Variants in NBAS observed in about 807,000 individuals in gnomAD.
The protein encoded by NBAS is NBAS subunit of NRZ tethering complex.
A neutral mutation model predicts 302.5 loss-of-function variants in NBAS; 219 were observed. That is an observed-to-expected ratio of 0.72 (90% CI 0.65 to 0.81). NBAS has a LOEUF of 0.81. Ranked by LOEUF, NBAS falls within the 30% of genes least tolerant of loss-of-function variation. NBAS has a pLI of 0.00. For missense variants in NBAS, 2,932 were observed against 2,841.6 expected, an observed-to-expected ratio of 1.03 and a Z score of -0.72; for synonymous variants, 1,118 against 1,021.6, an observed-to-expected ratio of 1.09 and a Z score of -1.80.
At chr2:15,552,422 TTCC>T (rs1431938478) in intron 5 of NBAS, among the ~76,000 whole-genome samples, 2 of 151,830 alleles carry the variant, frequency 1.3e-5, no homozygotes, top group East Asian at 1.9e-4. Flanking sequence ...CCACCTTCTC[TTCC>T]TCCTCCTCCT....
intron 44 of NBAS, among the ~76,000 whole-genome samples, chr2:15,240,192 A>C (rs538793667): frequency 7.8e-4 from 118 of 152,218 alleles, no homozygotes; most frequent in Non-Finnish European, 5.4e-4. Context: ...GTCATTGTAC[A>C]TGTCTGGTCA....
chr2:14,984,256 C>A, the NBAS span, among the ~76,000 whole-genome samples: 2 of 151,980 alleles, frequency 1.3e-5, no homozygotes, highest in Admixed American at 1.3e-4. Flanking sequence ...GTCTCTGCCC[C>A]CTACCCTTCC....
the NBAS span, among the ~76,000 whole-genome samples, chr2:15,138,975 C>T: frequency 6.6e-6 from 1 of 152,142 alleles, no homozygotes. Flanking sequence ...GGATGTCAAA[C>T]ACATTTTTTT....
chr2:14,783,584 C>T, the NBAS span, among the ~76,000 whole-genome samples: 7 of 148,894 alleles, frequency 4.7e-5, no homozygotes, highest in South Asian at 1.5e-3. Context: ...GGTTTTTTGT[C>T]CTTGCAATAG....
chr2:15,312,624 TA>T (rs1671331508), intron 38 of NBAS, among the ~76,000 whole-genome samples: 1 of 152,178 alleles, frequency 6.6e-6, no homozygotes. Flanking sequence ...ATTTTCCCAC[TA>T]TTTAGGTTTG....
At chr2:15,046,388 A>T in the NBAS span, among the ~76,000 whole-genome samples, 9 of 152,202 alleles carry the variant, frequency 5.9e-5, no homozygotes, top group African/African-American at 2.2e-4. Flanking sequence ...AATATATATC[A>T]ACCTCCAAGA....
At chr2:14,797,140 G>T in the NBAS span, among the ~76,000 whole-genome samples, 2 of 140,514 alleles carry the variant, frequency 1.4e-5, no homozygotes, top group African/African-American at 2.8e-5. Flanking sequence ...GCCACTGGGG[G>T]ACTACAGCCA....
the NBAS span, among the ~76,000 whole-genome samples, chr2:14,945,849 G>A: frequency 6.6e-6 from 1 of 152,228 alleles, no homozygotes; most frequent in Non-Finnish European, 1.5e-5. Context: ...GGGAGGCCAA[G>A]GTGGGCAGAT....
the NBAS span, among the ~76,000 whole-genome samples, chr2:14,927,117 A>G: frequency 0.36 from 54,584 of 152,016 alleles, 10,011 homozygotes; most frequent in African/African-American, 0.44. Context: ...CTGCAGCACT[A>G]CCTCTACCTG....
the NBAS span, among the ~76,000 whole-genome samples, chr2:15,053,906 A>G: frequency 6.6e-6 from 1 of 151,316 alleles, no homozygotes; most frequent in African/African-American, 2.4e-5. Flanking sequence ...TTCAAATCCT[A>G]GCAACAAAAG....
At chr2:15,185,251 G>A (rs1453155765) in intron 50 of NBAS, among the ~76,000 whole-genome samples, 2 of 152,156 alleles carry the variant, frequency 1.3e-5, no homozygotes, top group Non-Finnish European at 2.9e-5. Flanking sequence ...GGTGGTGAAG[G>A]TTAAAGGAGG....
chr2:15,141,588 C>A, the NBAS span, among the ~76,000 whole-genome samples: 10 of 152,304 alleles, frequency 6.6e-5, no homozygotes, highest in East Asian at 7.7e-4. Context: ...AAAGAGTTAG[C>A]ATGCTGGTTT....
the NBAS span, among the ~76,000 whole-genome samples, chr2:15,009,921 T>C: frequency 1.3e-5 from 2 of 152,006 alleles, no homozygotes; most frequent in Non-Finnish European, 2.9e-5. Context: ...TACTGACACA[T>C]CTTCCCAACT....
the NBAS span, among the ~76,000 whole-genome samples, chr2:14,938,413 A>G: frequency 6.6e-6 from 1 of 152,254 alleles, no homozygotes; most frequent in African/African-American, 2.4e-5. Flanking sequence ...GTGGTTTAAG[A>G]AAATTAAATG....
intron 35 of NBAS, among the ~76,000 whole-genome samples, chr2:15,343,570 CATAAG>C (rs1193284551): frequency 6.6e-6 from 1 of 151,936 alleles, no homozygotes; most frequent in Admixed American, 6.6e-5. Context: ...GAATAAGTAT[CATAAG>C]ATAAAGAAAA....
chr2:15,326,141 G>A (rs572489973), intron 38 of NBAS, among the ~76,000 whole-genome samples: 14 of 152,202 alleles, frequency 9.2e-5, no homozygotes, highest in African/African-American at 1.7e-4. Context: ...ACAAATCACC[G>A]TAACAGATAC....
chr2:14,792,684 A>T, the NBAS span, among the ~76,000 whole-genome samples: 1 of 152,118 alleles, frequency 6.6e-6, no homozygotes, highest in African/African-American at 2.4e-5. Context: ...TTAAAAAAAA[A>T]AATCGTAAAT....
chr2:14,826,654 T>C, the NBAS span, among the ~76,000 whole-genome samples: 1 of 152,178 alleles, frequency 6.6e-6, no homozygotes, highest in Non-Finnish European at 1.5e-5. Context: ...CACTGTGGTG[T>C]TTTAGTGCAC....
At position 15,213,726 on chromosome 2, in the gene NBAS, C is replaced by T. The variant is rs140108561; in HGVS notation, c.6432+5047G>A. Among the ~76,000 whole-genome samples the T allele has an allele frequency of 1.8e-3, 281 of 152,262 alleles. 2 individuals carry two copies. The highest frequency in any genetic ancestry group is 6.8e-3 in the Middle Eastern group (2 of 294). On this transcript the variant is annotated intron_variant, in intron 48 of 51. Transcript: ENST00000281513. ...GATTAGCGTGCACATAGTACACATT[C>T]CAGGGTTCCTTCTTTGGCCCCCAGT...
Sources: gnomAD v4.1 joint callset for allele counts (sites outside exome capture counted in the v4.1 genomes callset) on GRCh38, gnomAD v4.1.1 for gene constraint, MANE v1.5 for transcripts, NCBI Gene and HGNC (gene_info 2026-07-23, HGNC 2026-07-21) for gene names.